ESR1: variants seen among roughly 807,000 people sequenced by gnomAD.
The protein encoded by ESR1 is estrogen receptor.
ESR1 carries 12 observed loss-of-function variants against 52.7 expected under a neutral mutation model. That is an observed-to-expected ratio of 0.23 (90% CI 0.15 to 0.37). The LOEUF (loss-of-function observed/expected upper bound fraction) is 0.37, where lower values mean the gene tolerates loss of function less well. Ranked by LOEUF, ESR1 falls within the 10% of genes least tolerant of loss-of-function variation. The pLI is 1.00. For missense variants in ESR1, 584 were observed against 779.7 expected (o/e 0.75, Z 2.99); for synonymous variants, 305 against 316.8 (o/e 0.96, Z 0.39).
intron 2 of ESR1, among the ~76,000 whole-genome samples, chr6:151,875,209 G>A (rs1791609710): frequency 6.6e-6 from 1 of 152,172 alleles, no homozygotes; most frequent in Non-Finnish European, 1.5e-5. Context: ...TTATGTTCAT[G>A]TCTGGCCTCA....
intron 3 of ESR1, among the ~76,000 whole-genome samples, chr6:151,894,276 T>C (rs1286973044): frequency 6.6e-6 from 1 of 152,178 alleles, no homozygotes; most frequent in Non-Finnish European, 1.5e-5. Context: ...TTGTTTGAGT[T>C]CCTTGTAGAT....
chr6:151,692,806 A>G (rs766236050), intron 1 of ESR1, among the ~76,000 whole-genome samples: 7 of 152,164 alleles, frequency 4.6e-5, no homozygotes, highest in Admixed American at 2.0e-4. Flanking sequence ...TTATCGTTCT[A>G]TCTAAGGCGT....
chr6:152,007,117 T>C (rs1396780039), intron 4 of ESR1, among the ~76,000 whole-genome samples: 1 of 151,984 alleles, frequency 6.6e-6, no homozygotes, highest in Non-Finnish European at 1.5e-5. Context: ...TCTGCACACT[T>C]TTCAACATCA....
intron 2 of ESR1, among the ~76,000 whole-genome samples, chr6:151,716,450 T>C (rs1039545771): frequency 2.0e-5 from 3 of 152,174 alleles, no homozygotes; most frequent in Admixed American, 6.5e-5. Context: ...TTCCCCCAGG[T>C]GCTCTGTCCC....
At chr6:151,936,155 T>C (rs2034330247) in intron 3 of ESR1, 1 of 152,188 alleles carries the variant, frequency 6.6e-6, no homozygotes, top group Non-Finnish European at 1.5e-5. Flanking sequence ...TCCCAGTCAT[T>C]GTAATCTGTA....
chr6:151,921,598 CTGT>C (rs1362145570), intron 3 of ESR1, among the ~76,000 whole-genome samples: 1 of 152,008 alleles, frequency 6.6e-6, no homozygotes, highest in Non-Finnish European at 1.5e-5. Context: ...TCGCCAGCAT[CTGT>C]TGTTTCTTGG....
At chr6:151,878,599 T>G (rs1440291701) in intron 2 of ESR1, among the ~76,000 whole-genome samples, 1 of 152,186 alleles carries the variant, frequency 6.6e-6, no homozygotes, top group Non-Finnish European at 1.5e-5. Flanking sequence ...GTTAAAACAT[T>G]TCACTGCATG....
chr6:151,686,164 A>C (rs113808369), upstream of ESR1, among the ~76,000 whole-genome samples: 1,173 of 148,890 alleles, frequency 7.9e-3, 24 homozygotes, highest in African/African-American at 0.029. Context: ...ATTTCTTCCA[A>C]AAGTATTTTC....
chr6:151,788,399 G>A lies in ESR1; in HGVS notation c.-70-19444G>A, dbSNP rs139232773. The stretch of plus-strand genomic sequence containing the variant: ...GAGAAATGCAAATCAAAACCACAAT[G>A]AGATACCATCTCACACCAATCAGAG... On this transcript the variant is annotated intron_variant, in intron 2 of 2. Coordinates refer to the ESR1 transcript ENST00000404742. Among the ~76,000 whole-genome samples the A allele has an allele frequency of 3.0e-3, 451 of 152,302 alleles. 6 individuals carry two copies. Among genetic ancestry groups the A allele is most frequent in the East Asian group, 0.028 (147 of 5,176 alleles).
chr6:151,747,315 T>TA (rs1227593466), intron 2 of ESR1, among the ~76,000 whole-genome samples: 6 of 152,210 alleles, frequency 3.9e-5, no homozygotes, highest in African/African-American at 1.4e-4. Context: ...AATGAATCAC[T>TA]GAATAAGCAG....
intron 2 of ESR1, among the ~76,000 whole-genome samples, chr6:151,732,204 C>T (rs1782299406): frequency 6.6e-6 from 1 of 152,076 alleles, no homozygotes; most frequent in Non-Finnish European, 1.5e-5. Context: ...TATAAAATTG[C>T]CACTATAAAT....
At chr6:151,966,950 G>A (rs77258415) in intron 4 of ESR1, among the ~76,000 whole-genome samples, 4,540 of 152,204 alleles carry the variant, frequency 0.03, 122 homozygotes, top group Non-Finnish European at 0.049. Context: ...TCACTGTAGT[G>A]GGACAAGCAA....
At chr6:151,739,199 T>C (rs1782894022) in intron 2 of ESR1, among the ~76,000 whole-genome samples, 1 of 152,176 alleles carries the variant, frequency 6.6e-6, no homozygotes, top group African/African-American at 2.4e-5. Context: ...TTCTAGTCTT[T>C]AAAATAGGGA....
intron 1 of ESR1, chr6:151,809,207 CCA>C (rs1240350574): frequency 2.2e-6 from 1 of 459,352 alleles, no homozygotes; most frequent in Non-Finnish European, 4.6e-6. Context: ...CGCCTCGCAG[CCA>C]CTGTGGAAGG....
intron 2 of ESR1, among the ~76,000 whole-genome samples, chr6:151,874,711 A>G (rs1244171031): frequency 6.6e-6 from 1 of 152,198 alleles, no homozygotes; most frequent in Non-Finnish European, 1.5e-5. Flanking sequence ...CCTTTGATCA[A>G]GATATGCCTT....
intron 3 of ESR1, among the ~76,000 whole-genome samples, chr6:151,905,521 A>T (rs1340747540): frequency 6.6e-6 from 1 of 152,230 alleles, no homozygotes; most frequent in African/African-American, 2.4e-5. Context: ...TTCAGAGAAG[A>T]GGTCATTTAA....
intron 2 of ESR1, among the ~76,000 whole-genome samples, chr6:151,796,742 G>A (rs1482355924): frequency 7.9e-5 from 12 of 152,150 alleles, no homozygotes; most frequent in African/African-American, 2.9e-4. Context: ...CATAAGTAAA[G>A]AACACTAGAA....
In ESR1 at chr6:152,094,401, G is replaced by A. The variant is rs1387050295; in HGVS notation, c.1386G>A (p.Leu462=). 6.2e-7 allele frequency: 1 copy of A among 1,613,918 alleles called. No homozygotes were observed. Among genetic ancestry groups the A allele is most frequent in the Non-Finnish European group, 8.5e-7 (1 of 1,179,988 alleles). The change falls in exon 7 of 8, where the codon CTG becomes CTA. Residue 462 remains leucine (L), a synonymous_variant. Coordinates refer to ENST00000206249, the MANE Select transcript of ESR1 (RefSeq NM_000125.4). The surrounding 1 kb of genome is among the most constrained non-coding windows in gnomAD (Gnocchi z 4.6). ...ILLNSGVYTF[L]SSTLKSLEEK... ...CGCATTCAGGAGTGTACACATTTCT[G>A]TCCAGCACCCTGAAGTCTCTGGAAG...
chr6:152,019,094 T>G (rs967180174), intron 5 of ESR1, among the ~76,000 whole-genome samples: 19 of 152,186 alleles, frequency 1.2e-4, no homozygotes, highest in African/African-American at 4.6e-4. Flanking sequence ...AACTGTAAGC[T>G]GTTTAGGAGA....
Sources: gnomAD v4.1 joint callset for allele counts (sites outside exome capture counted in the v4.1 genomes callset) on GRCh38, gnomAD v4.1.1 for gene constraint, Gnocchi (gnomAD v3.1) non-coding constraint, MANE v1.5 for transcripts, NCBI Gene and HGNC (gene_info 2026-07-23, HGNC 2026-07-21) for gene names.